The following CADM1 variants were observed in gnomAD, a reference collection of about 807,000 sequenced individuals.
CADM1 encodes the protein cell adhesion molecule 1.
Under a neutral mutation model 53.1 loss-of-function variants are expected in CADM1, and 15 were observed. The observed-to-expected ratio is 0.28, with a 90% CI of 0.19 to 0.44. CADM1 has a LOEUF of 0.44. Among genes scored for constraint, CADM1 ranks in the 20% least tolerant of loss-of-function variants. CADM1 has a pLI of 1.00. For synonymous variants in CADM1, 281 were observed against 243.0 expected (o/e 1.16, Z -1.45); for missense variants, 434 against 611.3 (o/e 0.71, Z 3.06).
intron 1 of CADM1, among the ~76,000 whole-genome samples, chr11:115,249,220 C>T (rs1352186853): frequency 6.6e-6 from 1 of 152,200 alleles, no homozygotes; most frequent in African/African-American, 2.4e-5. Context: ...AATTGTTGAT[C>T]TTCTGTATCA....
chr11:115,193,040 AT>A (rs1420297821), intron 9 of CADM1, among the ~76,000 whole-genome samples: 2 of 152,204 alleles, frequency 1.3e-5, no homozygotes, highest in Non-Finnish European at 2.9e-5. Context: ...ATTCAAAAGA[AT>A]TTACTGAAGC....
intron 1 of CADM1, among the ~76,000 whole-genome samples, chr11:115,341,399 T>G (rs940661498): frequency 3.3e-5 from 5 of 152,186 alleles, no homozygotes; most frequent in Admixed American, 6.5e-5. Flanking sequence ...ATTTGAAAGC[T>G]TTAAATAGGA....
intron 1 of CADM1, among the ~76,000 whole-genome samples, chr11:115,249,767 C>A (rs1021830365): frequency 2.0e-5 from 3 of 152,110 alleles, no homozygotes; most frequent in Non-Finnish European, 4.4e-5. Context: ...CTTTCCCTAA[C>A]CAAATTAAGG....
At position 115,178,212 on chromosome 11, in the gene CADM1, TAC is replaced by T. The variant is rs1939127743; in HGVS notation, c.1297+430_1297+431del. On this transcript the variant is annotated intron_variant, in intron 11 of 11. Transcript: ENST00000331581. ...AGTCTTCTCGCCATTGTGACCAGCT[TAC>T]ACAGAGTCTGGGGACAGGGGATAGG... Among the ~76,000 whole-genome samples the T allele has an allele frequency of 2.6e-5, 4 of 152,178 alleles. No individual in the cohort carries two copies. In the South Asian group the frequency reaches 8.3e-4, roughly 32 times the overall value.
At chr11:115,387,459 A>G (rs1946727211) in intron 1 of CADM1, among the ~76,000 whole-genome samples, 1 of 152,210 alleles carries the variant, frequency 6.6e-6, no homozygotes. Context: ...ACCACTATGA[A>G]GAGAGGTGAG....
intron 5 of CADM1, among the ~76,000 whole-genome samples, chr11:115,226,324 C>T (rs902772166): frequency 2.0e-5 from 3 of 152,040 alleles, no homozygotes; most frequent in African/African-American, 4.8e-5. Context: ...GAAAGTGGTC[C>T]TCAAATAACT....
chr11:115,205,495 G>C (rs1940631895), intron 8 of CADM1, among the ~76,000 whole-genome samples: 1 of 152,114 alleles, frequency 6.6e-6, no homozygotes, highest in East Asian at 1.9e-4. Context: ...CATGGCATCA[G>C]GGTTTTCTTC....
chr11:115,375,218 A>C (rs1019499966), intron 1 of CADM1, among the ~76,000 whole-genome samples: 1 of 152,186 alleles, frequency 6.6e-6, no homozygotes, highest in African/African-American at 2.4e-5. Context: ...TCAATACACT[A>C]TGCCCTCTGC....
intron 1 of CADM1, among the ~76,000 whole-genome samples, chr11:115,344,192 A>AT (rs1457810821): frequency 0.016 from 4 of 258 alleles, no homozygotes; most frequent in African/African-American, 0.053. Flanking sequence ...CTACTAATTT[A>AT]CCCCCGCCCT....
At chr11:115,333,107 CCT>C (rs1019502151) in intron 1 of CADM1, among the ~76,000 whole-genome samples, 16 of 152,234 alleles carry the variant, frequency 1.1e-4, no homozygotes, top group South Asian at 2.1e-4. Flanking sequence ...AAATTCCTCC[CCT>C]CTTTTCCAAT....
At chr11:115,424,559 G>A (rs901071628) in intron 1 of CADM1, among the ~76,000 whole-genome samples, 2 of 151,788 alleles carry the variant, frequency 1.3e-5, no homozygotes, top group African/African-American at 4.8e-5. Context: ...ATGGAGTCTC[G>A]CACTGTCTCC....
At chr11:115,428,715 T>A (rs889409692) in intron 1 of CADM1, among the ~76,000 whole-genome samples, 1 of 152,166 alleles carries the variant, frequency 6.6e-6, no homozygotes, top group Non-Finnish European at 1.5e-5. Flanking sequence ...TGTAGAGATA[T>A]CATTTTAAAG....
At chr11:115,334,205 AGTGATG>A (rs1945203430) in intron 1 of CADM1, among the ~76,000 whole-genome samples, 1 of 152,180 alleles carries the variant, frequency 6.6e-6, no homozygotes, top group Non-Finnish European at 1.5e-5. Context: ...ACAGAACTAC[AGTGATG>A]TAGTATTTAA....
At chr11:115,220,270 G>A (rs1941356669) in intron 5 of CADM1, among the ~76,000 whole-genome samples, 1 of 152,070 alleles carries the variant, frequency 6.6e-6, no homozygotes, top group Non-Finnish European at 1.5e-5. Flanking sequence ...TAAAGACAGT[G>A]TTGAAAAACT....
chr11:115,379,950 T>G (rs1383748262), intron 1 of CADM1, among the ~76,000 whole-genome samples: 1 of 152,144 alleles, frequency 6.6e-6, no homozygotes, highest in Non-Finnish European at 1.5e-5. Context: ...CCCTACAGTA[T>G]AGACTATATA....
chr11:115,395,431 C>T (rs903004010), intron 1 of CADM1, among the ~76,000 whole-genome samples: 1 of 152,120 alleles, frequency 6.6e-6, no homozygotes, highest in Non-Finnish European at 1.5e-5. Context: ...ATACTCACTG[C>T]TGTTTCTGAA....
chr11:115,262,015 G>A (rs1027005818), intron 1 of CADM1, among the ~76,000 whole-genome samples: 8 of 151,966 alleles, frequency 5.3e-5, no homozygotes, highest in Non-Finnish European at 1.0e-4. Flanking sequence ...TCCTGACCTC[G>A]TCATCTGCCC....
chr11:115,340,643 TATA>T (rs1945409056), intron 1 of CADM1, among the ~76,000 whole-genome samples: 6 of 33,482 alleles, frequency 1.8e-4, no homozygotes, highest in African/African-American at 3.0e-4. Context: ...TATATATATA[TATA>T]TATATATATA....
intron 1 of CADM1, among the ~76,000 whole-genome samples, chr11:115,399,879 T>C (rs1055044182): frequency 6.6e-6 from 1 of 152,210 alleles, no homozygotes; most frequent in Non-Finnish European, 1.5e-5. Context: ...CACTGACCTA[T>C]ATGATGAACA....
Sources: gnomAD v4.1 joint callset for allele counts (sites outside exome capture counted in the v4.1 genomes callset) on GRCh38, gnomAD v4.1.1 for gene constraint, MANE v1.5 for transcripts, NCBI Gene and HGNC (gene_info 2026-07-23, HGNC 2026-07-21) for gene names.